Variants in PPP2R3A observed in about 807,000 individuals in gnomAD.
The protein encoded by PPP2R3A is serine/threonine-protein phosphatase 2A regulatory subunit B'' subunit alpha.
PPP2R3A carries 80 observed loss-of-function variants against 106.9 expected under a neutral mutation model. The ratio of observed to expected loss-of-function variants is 0.75; its 90% CI spans 0.62 to 0.90. PPP2R3A has a LOEUF of 0.90. Ranked by LOEUF, PPP2R3A falls within the 40% of genes least tolerant of loss-of-function variation. The pLI is 0.00. For missense variants in PPP2R3A, 1,386 were observed against 1,350.4 expected (o/e 1.03, Z -0.41); for synonymous variants, 483 against 468.3 (o/e 1.03, Z -0.41).
chr3:135,984,362 A>T (rs1937578169), intron 1 of PPP2R3A, among the ~76,000 whole-genome samples: 1 of 152,192 alleles, frequency 6.6e-6, no homozygotes, highest in African/African-American at 2.4e-5. Context: ...TGTAAGCCTC[A>T]GTTTCCTCAT....
At chr3:136,142,013 A>G (rs570837407) in intron 13 of PPP2R3A, among the ~76,000 whole-genome samples, 17 of 152,278 alleles carry the variant, frequency 1.1e-4, no homozygotes, top group South Asian at 2.1e-4. Context: ...GCTGTTCTGA[A>G]AGAGCCATCT....
At chr3:136,060,479 C>T (rs898455212) in intron 5 of PPP2R3A, among the ~76,000 whole-genome samples, 2 of 152,178 alleles carry the variant, frequency 1.3e-5, no homozygotes, top group Non-Finnish European at 2.9e-5. Context: ...TTAGCACCAT[C>T]CTCCTAGTGC....
At chr3:135,985,414 C>T (rs1241378707) in intron 1 of PPP2R3A, among the ~76,000 whole-genome samples, 1 of 151,312 alleles carries the variant, frequency 6.6e-6, no homozygotes, top group African/African-American at 2.4e-5. Context: ...CTCTCTCGCT[C>T]TCTCTGTCTC....
At chr3:135,966,156 G>A (rs981668113) in intron 1 of PPP2R3A, among the ~76,000 whole-genome samples, 2 of 152,156 alleles carry the variant, frequency 1.3e-5, no homozygotes, top group African/African-American at 4.8e-5. Context: ...AGGCGGGGGC[G>A]GCCTGGGCCC....
intron 2 of PPP2R3A, among the ~76,000 whole-genome samples, chr3:136,013,157 GGTGTGTGTGT>G (rs773969022): frequency 2.4e-4 from 33 of 139,708 alleles, no homozygotes; most frequent in Non-Finnish European, 3.1e-5. Context: ...AGTATTCCAT[GGTGTGTGTGT>G]GTGTGTGTGT....
chr3:136,090,121 A>G (rs1202589109), intron 9 of PPP2R3A, among the ~76,000 whole-genome samples: 1 of 152,124 alleles, frequency 6.6e-6, no homozygotes, highest in Non-Finnish European at 1.5e-5. Flanking sequence ...GCTCTGGCTA[A>G]GACTTCCAGT....
chr3:136,054,639 T>C (rs115890825), intron 5 of PPP2R3A, among the ~76,000 whole-genome samples: 5,724 of 152,260 alleles, frequency 0.038, 160 homozygotes, highest in South Asian at 0.061. Context: ...AAATATTTAG[T>C]ATATGTGAAA....
chr3:136,042,050 A>G (rs528697934), intron 4 of PPP2R3A, among the ~76,000 whole-genome samples: 2 of 152,208 alleles, frequency 1.3e-5, no homozygotes, highest in African/African-American at 2.4e-5. Flanking sequence ...ACCTATTGTT[A>G]TTATTATTTA....
At chr3:136,061,203 C>A (rs1448515204) in intron 5 of PPP2R3A, among the ~76,000 whole-genome samples, 1 of 152,044 alleles carries the variant, frequency 6.6e-6, no homozygotes, top group African/African-American at 2.4e-5. Context: ...TATAGAGGAC[C>A]ACTTCAGGAA....
At chr3:136,044,495 T>C (rs1352876494) in intron 4 of PPP2R3A, among the ~76,000 whole-genome samples, 2 of 143,006 alleles carry the variant, frequency 1.4e-5, no homozygotes, top group African/African-American at 5.4e-5. Flanking sequence ...CGCTTGAGCC[T>C]AGGAGTTTGA....
intron 13 of PPP2R3A, among the ~76,000 whole-genome samples, chr3:136,109,323 G>A (rs771248983): frequency 2.0e-5 from 3 of 151,886 alleles, no homozygotes; most frequent in Admixed American, 6.6e-5. Flanking sequence ...CAGACCATGC[G>A]GCATAAACTA....
intron 6 of PPP2R3A, among the ~76,000 whole-genome samples, chr3:136,072,611 G>A (rs538239724): frequency 1.3e-5 from 2 of 152,058 alleles, no homozygotes; most frequent in East Asian, 1.9e-4. Context: ...AGAATTCTAC[G>A]CTAGCTCTGG....
chr3:135,968,874 G>C (rs1937165014), intron 1 of PPP2R3A, among the ~76,000 whole-genome samples: 1 of 152,248 alleles, frequency 6.6e-6, no homozygotes, highest in South Asian at 2.1e-4. Context: ...TTCCACTTCA[G>C]TATATAGTTT....
At chr3:136,126,354 A>T (rs1256111354) in intron 13 of PPP2R3A, among the ~76,000 whole-genome samples, 4 of 152,206 alleles carry the variant, frequency 2.6e-5, no homozygotes, top group Admixed American at 6.5e-5. Context: ...ATGCCCATGG[A>T]GCCTTGCTCA....
At chr3:136,079,357 C>G (rs1936705309) in intron 7 of PPP2R3A, 1 of 224,678 alleles carries the variant, frequency 4.5e-6, no homozygotes, top group Non-Finnish European at 9.4e-6. Flanking sequence ...CCCCACTTTC[C>G]TGAAGCACAT....
At chr3:136,016,636 G>C (rs1427311139) in intron 2 of PPP2R3A, among the ~76,000 whole-genome samples, 3 of 152,010 alleles carry the variant, frequency 2.0e-5, no homozygotes, top group East Asian at 3.8e-4. Context: ...AGCTACTCCT[G>C]CTCACTTTTG....
At chr3:136,090,810 C>A (rs965507445) in intron 10 of PPP2R3A, 143 bp downstream of exon 10, 9 of 615,502 alleles carry the variant, frequency 1.5e-5, no homozygotes, top group African/African-American at 5.5e-5. Flanking sequence ...CGTCTCGGAG[C>A]TCTCCGTCTC....
intron 5 of PPP2R3A, among the ~76,000 whole-genome samples, chr3:136,056,844 A>C (rs1010698756): frequency 3.9e-5 from 6 of 152,198 alleles, no homozygotes; most frequent in Admixed American, 3.9e-4. Context: ...AGGTGTTAAT[A>C]TCCAAAATTT....
At chr3:136,111,296 G>C (rs9875207) in intron 13 of PPP2R3A, among the ~76,000 whole-genome samples, 50,810 of 151,942 alleles carry the variant, frequency 0.33, 9,106 homozygotes, top group African/African-American at 0.44. Flanking sequence ...CATTGATAAA[G>C]TTGTATTTCT....
Sources: allele counts gnomAD v4.1 joint callset (sites outside exome capture counted in the v4.1 genomes callset), GRCh38; gene constraint gnomAD v4.1.1; transcripts MANE v1.5; gene names NCBI Gene and HGNC (gene_info 2026-07-23, HGNC 2026-07-21).